RALYL: variants seen among roughly 807,000 people sequenced by gnomAD.
The protein encoded by RALYL is RNA-binding Raly-like protein.
RALYL carries 29 observed loss-of-function variants against 35.1 expected under a neutral mutation model. That is an observed-to-expected ratio of 0.83 (90% CI 0.61 to 1.13). The LOEUF (loss-of-function observed/expected upper bound fraction) is 1.13. Among genes scored for constraint, RALYL ranks in the 50% most tolerant of loss-of-function variants. The pLI is 0.00. For missense variants in RALYL, 359 were observed against 360.4 expected, an observed-to-expected ratio of 1.00 and a Z score of 0.03; for synonymous variants, 120 against 127.6, an observed-to-expected ratio of 0.94 and a Z score of 0.40.
At chr8:84,419,049 C>T (rs2045100095) in intron 1 of RALYL, among the ~76,000 whole-genome samples, 1 of 152,132 alleles carries the variant, frequency 6.6e-6, no homozygotes, top group Non-Finnish European at 1.5e-5. Context: ...TATGATTTCT[C>T]TCCAACTCCG....
intron 4 of RALYL, among the ~76,000 whole-genome samples, chr8:84,806,661 G>A (rs1824689147): frequency 6.6e-6 from 1 of 152,016 alleles, no homozygotes; most frequent in South Asian, 2.1e-4. Flanking sequence ...TAAAAGTAAA[G>A]TGGTGTGAAA....
intron 1 of RALYL, among the ~76,000 whole-genome samples, chr8:84,221,207 T>G (rs1044554295): frequency 5.9e-5 from 9 of 152,032 alleles, no homozygotes; most frequent in Non-Finnish European, 1.0e-4. Context: ...ATCAGTTAAT[T>G]AATTCCAGTG....
intron 2 of RALYL, among the ~76,000 whole-genome samples, chr8:84,675,725 C>A (rs191815492): frequency 6.6e-6 from 1 of 152,194 alleles, no homozygotes; most frequent in Admixed American, 6.5e-5. Flanking sequence ...TCCCCCTTTT[C>A]TGTAGATATT....
At chr8:84,515,218 G>T (rs2057962872) in intron 1 of RALYL, among the ~76,000 whole-genome samples, 1 of 152,114 alleles carries the variant, frequency 6.6e-6, no homozygotes, top group Admixed American at 6.5e-5. Context: ...TAGTGACAGT[G>T]ATTATTTCTA....
chr8:84,301,676 G>T (rs556462933), intron 1 of RALYL, among the ~76,000 whole-genome samples: 1 of 152,104 alleles, frequency 6.6e-6, no homozygotes, highest in African/African-American at 2.4e-5. Flanking sequence ...GAAAATAATA[G>T]TAAAACTTCC....
At chr8:84,427,696 A>G (rs2046651924) in intron 1 of RALYL, among the ~76,000 whole-genome samples, 1 of 152,056 alleles carries the variant, frequency 6.6e-6, no homozygotes, top group South Asian at 2.1e-4. Context: ...TTTGCTCAGA[A>G]TATCTCCTGT....
intron 1 of RALYL, among the ~76,000 whole-genome samples, chr8:84,319,523 A>T (rs1023618927): frequency 6.6e-6 from 1 of 152,040 alleles, no homozygotes; most frequent in Admixed American, 6.6e-5. Flanking sequence ...TGATATTCAG[A>T]CAGAGGAAGG....
At chr8:84,704,517 G>A (rs771370373) in intron 2 of RALYL, among the ~76,000 whole-genome samples, 24 of 150,874 alleles carry the variant, frequency 1.6e-4, no homozygotes, top group Non-Finnish European at 3.0e-4. Flanking sequence ...TTTATTAAGA[G>A]CCTACTTTGT....
At chr8:84,532,849 A>G (rs2059361668) in intron 2 of RALYL, among the ~76,000 whole-genome samples, 1 of 152,086 alleles carries the variant, frequency 6.6e-6, no homozygotes, top group South Asian at 2.1e-4. Context: ...ACTATAGATA[A>G]CTTGGCCATA....
intron 2 of RALYL, among the ~76,000 whole-genome samples, chr8:84,710,360 C>A (rs1350991517): frequency 6.6e-6 from 1 of 152,092 alleles, no homozygotes; most frequent in African/African-American, 2.4e-5. Context: ...TGCAGCGGTA[C>A]AATCTCAGCT....
intron 2 of RALYL, among the ~76,000 whole-genome samples, chr8:84,720,596 A>G (rs1487213757): frequency 1.3e-5 from 2 of 152,192 alleles, no homozygotes; most frequent in African/African-American, 4.8e-5. Flanking sequence ...TTTTTTGAAC[A>G]AGAACTCAAA....
At chr8:84,228,846 T>G (rs1199443221) in intron 1 of RALYL, among the ~76,000 whole-genome samples, 2 of 152,082 alleles carry the variant, frequency 1.3e-5, no homozygotes, top group African/African-American at 4.8e-5. Context: ...TGTAAAACCA[T>G]CAGATCTCCG....
At chr8:84,253,012 G>T (rs531924116) in intron 1 of RALYL, among the ~76,000 whole-genome samples, 2 of 151,856 alleles carry the variant, frequency 1.3e-5, no homozygotes, top group African/African-American at 2.4e-5. Flanking sequence ...TAAGGACTTT[G>T]TGTATGGCTT....
chr8:84,650,551 A>T (rs138831162), intron 2 of RALYL, among the ~76,000 whole-genome samples: 28,793 of 150,960 alleles, frequency 0.19, 2,984 homozygotes, highest in Non-Finnish European at 0.23. Context: ...AGAATGGCAA[A>T]CATTAAAAAG....
At chr8:84,802,569 A>C (rs1412790915) in intron 3 of RALYL, among the ~76,000 whole-genome samples, 4 of 151,874 alleles carry the variant, frequency 2.6e-5, no homozygotes, top group African/African-American at 7.2e-5. Flanking sequence ...GTATGCTCTA[A>C]TCCAACAGTT....
intron 1 of RALYL, among the ~76,000 whole-genome samples, chr8:84,384,621 T>C (rs936727482): frequency 5.3e-5 from 8 of 151,780 alleles, no homozygotes; most frequent in African/African-American, 1.4e-4. Flanking sequence ...GAAATTTTCA[T>C]TGAGTGAAGT....
intron 2 of RALYL, among the ~76,000 whole-genome samples, chr8:84,681,510 T>C (rs1222792203): frequency 6.6e-6 from 1 of 152,206 alleles, no homozygotes. Context: ...GTGTCCTCTT[T>C]TATTTTGTTG....
At chr8:84,854,519 C>T (rs1278094068) in intron 5 of RALYL, among the ~76,000 whole-genome samples, 1 of 152,056 alleles carries the variant, frequency 6.6e-6, no homozygotes, top group East Asian at 1.9e-4. Context: ...TCCCAGTTTT[C>T]CCTCTCCTAC....
chr8:84,326,526 T>C (rs1845827689), intron 1 of RALYL, among the ~76,000 whole-genome samples: 1 of 152,196 alleles, frequency 6.6e-6, no homozygotes, highest in East Asian at 1.9e-4. Context: ...AGTTGATGCC[T>C]CAAACATGTT....
Sources: allele counts gnomAD v4.1 joint callset (sites outside exome capture counted in the v4.1 genomes callset), GRCh38; gene constraint gnomAD v4.1.1; transcripts MANE v1.5; gene names NCBI Gene and HGNC (gene_info 2026-07-23, HGNC 2026-07-21).